Variants in WIPF2 observed in about 807,000 individuals in gnomAD.
WIPF2 encodes the protein WAS/WASL interacting protein family member 2.
In WIPF2, 23 loss-of-function variants were observed where a neutral mutation model predicts 38.8. That is an observed-to-expected ratio of 0.59 (90% CI 0.43 to 0.84). The LOEUF is 0.84. WIPF2 is among the 40% of genes least tolerant of loss of function. The probability of loss-of-function intolerance (pLI) is 0.00; values close to 1 mark genes in which losing one functional copy is unlikely to be tolerated. For synonymous variants in WIPF2, 210 were observed against 223.2 expected, an observed-to-expected ratio of 0.94 and a Z score of 0.53; for missense variants, 574 against 580.5, an observed-to-expected ratio of 0.99 and a Z score of 0.11.
At position 40,219,391 on chromosome 17, in the gene WIPF2, G is replaced by GCGGCGGCGGCGGCGA; in HGVS notation, c.-163_-162insGCGGCGACGGCGGCG. On this transcript the variant is annotated 5_prime_UTR_variant, in exon 1 of 8. Coordinates refer to ENST00000323571, the MANE Select transcript of WIPF2 (RefSeq NM_133264.5). ...GGTGGCGGCGGCGGCGGCGGCGGCGGCGGCGGCGACGGCGAGAAAGAGCTT... is the reference window on the plus strand; with the variant it reads ...GGTGGCGGCGGCGGCGGCGGCGGCGGCGGCGGCGGCGGCGACGGCGGCGACGGCGAGAAAGAGCTT... The GCGGCGGCGGCGGCGA allele has an allele frequency of 9.5e-6, 4 of 420,536 alleles. No individual in the cohort carries two copies. Among genetic ancestry groups the GCGGCGGCGGCGGCGA allele is most frequent in the East Asian group, 1.1e-4 (2 of 18,604 alleles). 26.1% of individuals were successfully genotyped at this position (420,536 alleles called of 1,614,324 possible). A position where few individuals can be genotyped will look rare whatever the true frequency, so the allele number is the denominator to read the frequency against.
rs1274432212 is a variant in WIPF2 at position 40,281,129 on chromosome 17, T to G, written c.*2904T>G. Reference sequence around the variant, plus strand: ...TCTGCTTGTGGGAATGTCGTCTCTTTCGTGGAAGATTGGGTGGTCTCATGT... The same window carrying G: ...TCTGCTTGTGGGAATGTCGTCTCTTGCGTGGAAGATTGGGTGGTCTCATGT... On this transcript the variant is annotated 3_prime_UTR_variant, in exon 8 of 8. Coordinates refer to ENST00000323571, the MANE Select transcript of WIPF2 (RefSeq NM_133264.5). The G allele has an allele frequency of 1.3e-5, 2 of 152,256 alleles. No homozygotes were observed. Among genetic ancestry groups the G allele is most frequent in the Non-Finnish European group, 2.9e-5 (2 of 68,042 alleles). 9.4% of individuals were successfully genotyped at this position (152,256 alleles called of 1,614,324 possible).
intron 1 of WIPF2, among the ~76,000 whole-genome samples, chr17:40,255,218 C>CATGGT (rs1474667511): frequency 6.6e-6 from 1 of 152,108 alleles, no homozygotes; most frequent in Non-Finnish European, 1.5e-5. Flanking sequence ...GCCAGCCAGG[C>CATGGT]ATGGTGGCTC....
chr17:40,258,168 C>T (rs1231037432), intron 2 of WIPF2, among the ~76,000 whole-genome samples: 6 of 152,278 alleles, frequency 3.9e-5, no homozygotes, highest in Admixed American at 6.5e-5. Context: ...GAGGCCGAGG[C>T]GGGCGGATCA....
At chr17:40,250,502 G>T (rs1234771798) in intron 1 of WIPF2, among the ~76,000 whole-genome samples, 1 of 151,242 alleles carries the variant, frequency 6.6e-6, no homozygotes, top group Non-Finnish European at 1.5e-5. Context: ...GCCCACCTCG[G>T]CCTCCCAAAG....
Position 40,278,618 on chromosome 17 carries a change from GTATAT to G in WIPF2, c.*400_*404del. Reference sequence around the variant, plus strand: ...GTCCACTGTGGGGGAAGCTTGGCAGGTATATTATATTTCATCATTTAGGAGGCTGG... The same window carrying G: ...GTCCACTGTGGGGGAAGCTTGGCAGGTATATTTCATCATTTAGGAGGCTGG... On this transcript the variant is annotated 3_prime_UTR_variant, in exon 8 of 8. Coordinates refer to ENST00000323571, the MANE Select transcript of WIPF2 (RefSeq NM_133264.5). 1 of 185,100 alleles carries G rather than the reference GTATAT, an allele frequency of 5.4e-6. No homozygotes were observed. Among genetic ancestry groups the G allele is most frequent in the Non-Finnish European group, 1.1e-5 (1 of 88,488 alleles). 11.5% of individuals were successfully genotyped at this position (185,100 alleles called of 1,614,324 possible). A position where few individuals can be genotyped will look rare whatever the true frequency, so the allele number is the denominator to read the frequency against.
chr17:40,251,985 T>G (rs1275459140), intron 1 of WIPF2, among the ~76,000 whole-genome samples: 3 of 152,182 alleles, frequency 2.0e-5, no homozygotes, highest in Non-Finnish European at 4.4e-5. Context: ...TTAAGGGGTC[T>G]TGCTGTGTTG....
At chr17:40,253,636 G>A (rs1373900712) in intron 1 of WIPF2, among the ~76,000 whole-genome samples, 4 of 152,182 alleles carry the variant, frequency 2.6e-5, no homozygotes, top group Non-Finnish European at 2.9e-5. Flanking sequence ...GAAATAAAAA[G>A]GTATTTCCCT....
intron 1 of WIPF2, among the ~76,000 whole-genome samples, chr17:40,222,586 T>TG (rs1491271438): frequency 0.15 from 21,631 of 148,290 alleles, 1,856 homozygotes; most frequent in East Asian, 0.28. Flanking sequence ...TGTGTGTGTG[T>TG]TTGTGTGTGT....
At chr17:40,252,461 T>G (rs1598483784) in intron 1 of WIPF2, among the ~76,000 whole-genome samples, 1 of 152,068 alleles carries the variant, frequency 6.6e-6, no homozygotes, top group African/African-American at 2.4e-5. Context: ...GTCAGGAGTT[T>G]GAGACCAGCC....
intron 2 of WIPF2, among the ~76,000 whole-genome samples, chr17:40,260,078 T>G (rs1429535806): frequency 6.6e-6 from 1 of 151,924 alleles, no homozygotes; most frequent in African/African-American, 2.4e-5. Context: ...TAATGCACAT[T>G]GATATTGCTC....
intron 1 of WIPF2, among the ~76,000 whole-genome samples, chr17:40,248,164 T>A (rs35072054): frequency 5.0e-5 from 4 of 79,822 alleles, no homozygotes; most frequent in Admixed American, 1.2e-4. Context: ...AAGTTATTTC[T>A]TTTTTTTTTT....
chr17:40,221,641 C>T (rs1056885791), intron 1 of WIPF2, among the ~76,000 whole-genome samples: 3 of 136,852 alleles, frequency 2.2e-5, no homozygotes, highest in African/African-American at 2.8e-5. Flanking sequence ...AGTGCAGTGG[C>T]GTGATCTCGG....
chr17:40,280,444 G>A lies in WIPF2; in HGVS notation c.*2219G>A, dbSNP rs9894625. ...AGATGGCGCCACTGCGCTCCAGCCCGGGTGACAGAGTGAAACTCCATCTCA... is the reference window on the plus strand; with the variant it reads ...AGATGGCGCCACTGCGCTCCAGCCCAGGTGACAGAGTGAAACTCCATCTCA... On this transcript the variant is annotated 3_prime_UTR_variant, in exon 8 of 8. Coordinates refer to ENST00000323571, the MANE Select transcript of WIPF2 (RefSeq NM_133264.5). 34,189 of 153,670 alleles carry A rather than the reference G, an allele frequency of 0.22. 5,633 individuals carry two copies. Among genetic ancestry groups the A allele is most frequent in the African/African-American group, 0.46 (19,284 of 41,542 alleles). The allele number at this position is 153,670 out of a possible 1,614,324, so 9.5% of individuals were successfully genotyped here. A position where few individuals can be genotyped will look rare whatever the true frequency, so the allele number is the denominator to read the frequency against.
chr17:40,260,499 T>G, intron 2 of WIPF2, 36 bp from the exon 3 acceptor site: 1 of 1,608,460 alleles, frequency 6.2e-7, no homozygotes, highest in South Asian at 1.1e-5. Flanking sequence ...TAAAGGGAAC[T>G]CTTTAGGGTG....
intron 7 of WIPF2, 44 bp from the exon 8 acceptor site, chr17:40,278,141 T>C (rs761454981): frequency 6.3e-7 from 1 of 1,595,220 alleles, no homozygotes. Flanking sequence ...CAGATTCTGG[T>C]GGGTGACCTG....
chr17:40,222,971 G>A (rs1361852202), intron 1 of WIPF2, among the ~76,000 whole-genome samples: 1 of 146,058 alleles, frequency 6.8e-6, no homozygotes, highest in Admixed American at 6.9e-5. Context: ...ACACCTGGCC[G>A]CATGTTTAGT....
chr17:40,236,720 T>C (rs976632317), intron 1 of WIPF2, among the ~76,000 whole-genome samples: 8 of 151,590 alleles, frequency 5.3e-5, no homozygotes, highest in Non-Finnish European at 1.2e-4. Flanking sequence ...AGCAATTCCC[T>C]GCCTCAGCCT....
At chr17:40,269,906 CA>C (rs946697023) in intron 5 of WIPF2, among the ~76,000 whole-genome samples, 10 of 151,840 alleles carry the variant, frequency 6.6e-5, no homozygotes, top group Admixed American at 1.3e-4. Flanking sequence ...CACCCGCCAA[CA>C]CTGTCCATTT....
At chr17:40,258,536 A>ATCTCG (rs2031800311) in intron 2 of WIPF2, among the ~76,000 whole-genome samples, 5 of 152,086 alleles carry the variant, frequency 3.3e-5, no homozygotes, top group Admixed American at 3.3e-4. Flanking sequence ...GGTTGCAGTG[A>ATCTCG]GCCGAGATCG....
Sources: gnomAD v4.1 joint callset for allele counts (sites outside exome capture counted in the v4.1 genomes callset) on GRCh38, gnomAD v4.1.1 for gene constraint, MANE v1.5 for transcripts, NCBI Gene and HGNC (gene_info 2026-07-23, HGNC 2026-07-21) for gene names.